The following PDE3A variants were observed in gnomAD, a reference collection of about 807,000 sequenced individuals.
PDE3A encodes cGMP-inhibited 3',5'-cyclic phosphodiesterase 3A.
PDE3A carries 43 observed loss-of-function variants against 98.3 expected under a neutral mutation model. That is an observed-to-expected ratio of 0.44 (90% CI 0.34 to 0.56). The LOEUF (loss-of-function observed/expected upper bound fraction) is 0.56, where lower values mean the gene tolerates loss of function less well. Among genes scored for constraint, PDE3A ranks in the 20% least tolerant of loss-of-function variants. PDE3A has a pLI of 0.01. For synonymous variants in PDE3A, 663 were observed against 567.9 expected (o/e 1.17, Z -2.38); for missense variants, 1,427 against 1,440.7 (o/e 0.99, Z 0.15).
chr12:20,451,395 T>C (rs1565553718), intron 1 of PDE3A, among the ~76,000 whole-genome samples: 1 of 152,188 alleles, frequency 6.6e-6, no homozygotes, highest in Non-Finnish European at 1.5e-5. Flanking sequence ...TGCCTCAGCC[T>C]CCCAAGTAGC....
At chr12:20,676,261 A>G (rs139728299) in intron 15 of PDE3A, among the ~76,000 whole-genome samples, 291 of 152,210 alleles carry the variant, frequency 1.9e-3, no homozygotes, top group Admixed American at 4.8e-3. Flanking sequence ...GTGCTGGTCT[A>G]GTGGTGATGA....
rs372956905 is a variant in PDE3A, at chr12:20,369,208, T to C, written c.-77T>C. On this transcript the variant is annotated 5_prime_UTR_variant, in exon 1 of 16. Transcript: ENST00000359062. The stretch of plus-strand genomic sequence containing the variant: ...GTGCGTGCGTGTGTGTGTGTGTGTG[T>C]GTGCGCGCGCGCGCGTGGGTCGGGG... 19 of 824,208 alleles carry C rather than the reference T, an allele frequency of 2.3e-5. No individual in the cohort carries two copies. The highest frequency in any genetic ancestry group is 6.2e-5 in the East Asian group (2 of 32,496). 51.1% of individuals were successfully genotyped at this position (824,208 alleles called of 1,614,324 possible).
At chr12:20,379,667 C>G (rs967667687) in intron 1 of PDE3A, among the ~76,000 whole-genome samples, 2 of 151,706 alleles carry the variant, frequency 1.3e-5, no homozygotes, top group East Asian at 3.9e-4. Context: ...ATATTTATCT[C>G]CCCATTCTCC....
chr12:20,631,765 A>G (rs2121512080), intron 6 of PDE3A, among the ~76,000 whole-genome samples: 1 of 145,474 alleles, frequency 6.9e-6, no homozygotes, highest in Admixed American at 7.2e-5. Flanking sequence ...AAGGTTTCAG[A>G]GAAAAACAAG....
Position 20,480,718 on chromosome 12 carries a change from C to A in PDE3A, c.961-75942C>A, listed in dbSNP as rs76048736. On this transcript the variant is annotated intron_variant, in intron 1 of 15. Transcript: ENST00000359062. Reference sequence around the variant, plus strand: ...GTAATGATTTGCCTAGAAGTGAATTCATTCAGCTTAAAAACCATAGTAGGG... The same window carrying A: ...GTAATGATTTGCCTAGAAGTGAATTAATTCAGCTTAAAAACCATAGTAGGG... 3.9e-3 allele frequency among the ~76,000 whole-genome samples: 589 copies of A among 152,286 alleles called. 4 individuals are homozygous for A. The highest frequency in any genetic ancestry group is 0.014 in the African/African-American group (572 of 41,574).
intron 1 of PDE3A, among the ~76,000 whole-genome samples, chr12:20,386,172 A>AC (rs1565532689): frequency 4.2e-5 from 2 of 47,118 alleles, no homozygotes; most frequent in African/African-American, 1.8e-4. Context: ...TAAATATATA[A>AC]AAATATATAT....
intron 14 of PDE3A, among the ~76,000 whole-genome samples, chr12:20,652,473 A>G (rs1944943081): frequency 6.6e-6 from 1 of 152,118 alleles, no homozygotes; most frequent in Admixed American, 6.5e-5. Context: ...AACTGGTGTG[A>G]GATGGTATCT....
intron 1 of PDE3A, among the ~76,000 whole-genome samples, chr12:20,538,229 G>A (rs1214675184): frequency 6.6e-6 from 1 of 152,074 alleles, no homozygotes; most frequent in Non-Finnish European, 1.5e-5. Flanking sequence ...CTCAAATAGA[G>A]CTTAATGGTG....
intron 1 of PDE3A, among the ~76,000 whole-genome samples, chr12:20,516,213 G>T (rs1427630800): frequency 6.6e-6 from 1 of 152,122 alleles, no homozygotes; most frequent in African/African-American, 2.4e-5. Context: ...TTCAAAAAGG[G>T]ATGGATTTTG....
intron 15 of PDE3A, among the ~76,000 whole-genome samples, chr12:20,677,127 A>G (rs1439908810): frequency 1.3e-5 from 2 of 152,150 alleles, no homozygotes; most frequent in African/African-American, 2.4e-5. Flanking sequence ...GTCTATTGTT[A>G]AAACTTTTGA....
intron 1 of PDE3A, among the ~76,000 whole-genome samples, chr12:20,435,633 GGCCATGCGTAAGTC>G (rs1944768113): frequency 6.6e-6 from 1 of 152,108 alleles, no homozygotes; most frequent in Non-Finnish European, 1.5e-5. Context: ...GTAGTAAGGA[GGCCATGCGTAAGTC>G]GCTTACCTTG....
rs1943434847 is a variant in PDE3A at position 20,369,977 on chromosome 12, G to T, written c.693G>T (p.Arg231Ser). The change falls in exon 1 of 16, where the codon AGG becomes AGT. Residue 231 changes from arginine to serine, a missense_variant. Arg to Ser is a moderately radical substitution (Grantham distance 110, BLOSUM62 -1). This residue lies in a region of PDE3A where 1,012 missense variants were observed against 886.5 expected (regional missense o/e 1.14). Coordinates refer to ENST00000359062, the MANE Select transcript of PDE3A (RefSeq NM_000921.5). ...CCGTGTCCCTCATTTCCTTAGAGAG[G>T]TTCAAGGTCGCCTGGAGACCTTACC... is the stretch of plus-strand genomic sequence containing the variant. ...VRTVSLISLERFKVAWRPYLA... is the reference protein window; with the variant it reads ...VRTVSLISLESFKVAWRPYLA... 2 of 1,613,218 alleles carry T rather than the reference G, an allele frequency of 1.2e-6. No individual in the cohort carries two copies. Among genetic ancestry groups the T allele is most frequent in the African/African-American group, 1.3e-5 (1 of 74,924 alleles).
intron 1 of PDE3A, among the ~76,000 whole-genome samples, chr12:20,460,702 G>A (rs1945231158): frequency 6.6e-6 from 1 of 152,124 alleles, no homozygotes; most frequent in Admixed American, 6.5e-5. Context: ...TCCTTAAAAT[G>A]CTTGCATCTG....
chr12:20,553,026 T>C, intron 1 of PDE3A: 1 of 1,490,866 alleles, frequency 6.7e-7, no homozygotes, highest in South Asian at 1.2e-5. Flanking sequence ...CAAGCACTTC[T>C]CGACAGGCGT....
At position 20,370,226 on chromosome 12, in the gene PDE3A, C is replaced by G. The variant is rs1225704030; in HGVS notation, c.942C>G (p.Pro314=). Residue 314 remains proline (P), a synonymous_variant, in exon 1 of 16, where the codon CCC becomes CCG. Coordinates refer to ENST00000359062, the MANE Select transcript of PDE3A (RefSeq NM_000921.5). The part of the protein sequence containing the change: ...SSKSHRRTSL[P]CIPREQLMGH... The stretch of plus-strand genomic sequence containing the variant: ...AGTCCCATCGGAGGACCTCCCTGCC[C>G]TGTATACCGAGGGAACAGGTAAGCA... 2 of 1,570,916 alleles carry G rather than the reference C, an allele frequency of 1.3e-6. No individual in the cohort carries two copies. Among genetic ancestry groups the G allele is most frequent in the Non-Finnish European group, 1.7e-6 (2 of 1,161,626 alleles).
At chr12:20,551,467 G>A (rs531776338) in intron 1 of PDE3A, 150 of 635,888 alleles carry the variant, frequency 2.4e-4, no homozygotes, top group African/African-American at 2.3e-3. Context: ...CGATTCCGTG[G>A]GTGGTGGTGC....
rs190828049 is a variant in PDE3A at position 20,682,367 on chromosome 12, C to T, written c.*2096C>T. ...GAAAGGAATGTTTACATTAAAAATA[C>T]TTTTGTTTCTCATAAATGGATATTG... On this transcript the variant is annotated 3_prime_UTR_variant, in exon 16 of 16. Transcript: ENST00000359062. 9.1e-4 allele frequency: 139 copies of T among 152,192 alleles called. No individual in the cohort carries two copies. Among genetic ancestry groups the T allele is most frequent in the African/African-American group, 3.2e-3 (131 of 41,538 alleles). The allele number at this position is 152,192 out of a possible 1,614,324, so 9.4% of individuals were successfully genotyped here.
At chr12:20,504,736 A>G (rs1490433445) in intron 1 of PDE3A, among the ~76,000 whole-genome samples, 2 of 152,014 alleles carry the variant, frequency 1.3e-5, no homozygotes, top group South Asian at 2.1e-4. Flanking sequence ...CTCACATCAC[A>G]TCACTATAAT....
At chr12:20,585,881 A>G (rs1943183385) in intron 2 of PDE3A, among the ~76,000 whole-genome samples, 5 of 152,110 alleles carry the variant, frequency 3.3e-5, no homozygotes. Context: ...TTCCACAGAC[A>G]TATACTGAAC....
Sources: allele counts gnomAD v4.1 joint callset (sites outside exome capture counted in the v4.1 genomes callset), GRCh38; gene constraint gnomAD v4.1.1; regional missense constraint gnomAD v4.1.1; transcripts MANE v1.5; gene names NCBI Gene and HGNC (gene_info 2026-07-23, HGNC 2026-07-21).